Variants in TMEM245 observed in about 807,000 individuals in gnomAD.
The protein encoded by TMEM245 is transmembrane protein 245.
TMEM245 carries 69 observed loss-of-function variants against 101.2 expected under a neutral mutation model. The ratio of observed to expected loss-of-function variants is 0.68; its 90% CI spans 0.56 to 0.83. The LOEUF (loss-of-function observed/expected upper bound fraction) is 0.83. TMEM245 is among the 40% of genes least tolerant of loss of function. TMEM245 has a pLI of 0.00. For synonymous variants in TMEM245, 537 were observed against 449.8 expected, an observed-to-expected ratio of 1.19 and a Z score of -2.45; for missense variants, 1,075 against 1,092.8, an observed-to-expected ratio of 0.98 and a Z score of 0.23.
chr9:109,093,609 A>G lies in TMEM245; in HGVS notation c.800-18T>C. The G allele has an allele frequency of 6.2e-7, 1 of 1,601,338 alleles. No homozygotes were observed. Among genetic ancestry groups the G allele is most frequent in the Non-Finnish European group, 8.6e-7 (1 of 1,169,000 alleles). ...CTCTGCCCCTGTAAAAGAAGCATCC[A>G]TTTTCAAAACTCTTTAAAGTAGGAA... On this transcript the variant is annotated intron_variant, in intron 3 of 17. Transcript: ENST00000374586.
chr9:109,057,190 C>G lies in TMEM245; in HGVS notation c.1854+1G>C. On this transcript the variant is annotated splice_donor_variant, in intron 12 of 17. Transcript: ENST00000374586. LOFTEE classifies it high-confidence loss of function. ...GCTTAACTATAAATGCTATTTCTTA[C>G]CGAAAGAAATGTCTCAATGTTCTCG... The G allele has an allele frequency of 6.2e-7, 1 of 1,611,406 alleles. No individual in the cohort carries two copies. Among genetic ancestry groups the G allele is most frequent in the South Asian group, 1.1e-5 (1 of 90,396 alleles).
intron 17 of TMEM245, among the ~76,000 whole-genome samples, chr9:109,032,198 C>T (rs1000237557): frequency 2.0e-5 from 3 of 151,864 alleles, no homozygotes; most frequent in Non-Finnish European, 2.9e-5. Context: ...CATTGGTTAT[C>T]GAAGTATCAT....
At chr9:109,089,054 T>C (rs897357000) in intron 5 of TMEM245, among the ~76,000 whole-genome samples, 29 of 151,524 alleles carry the variant, frequency 1.9e-4, no homozygotes, top group Admixed American at 1.4e-3. Flanking sequence ...GGTGTGAGGT[T>C]TGCTTGAGTC....
At position 109,094,036 on chromosome 9, in the gene TMEM245, T is replaced by A. The variant is rs569286149; in HGVS notation, c.800-445A>T. ...GTCATAACAACATTCCACAAATGAGTATGCGAATATATGGCTATTATGCAA... is the reference window on the plus strand; with the variant it reads ...GTCATAACAACATTCCACAAATGAGAATGCGAATATATGGCTATTATGCAA... On this transcript the variant is annotated intron_variant, in intron 3 of 17. Transcript: ENST00000374586. Among the ~76,000 whole-genome samples, 4 of 152,268 alleles carry A rather than the reference T, an allele frequency of 2.6e-5. No homozygotes were observed. The South Asian group carries it at 8.3e-4, about 32-fold the overall frequency.
intron 8 of TMEM245, among the ~76,000 whole-genome samples, chr9:109,077,292 A>C (rs1829539817): frequency 6.6e-6 from 1 of 152,052 alleles, no homozygotes; most frequent in Admixed American, 6.6e-5. Context: ...CTGGGACTAC[A>C]GGCTTAAGTC....
intron 4 of TMEM245, among the ~76,000 whole-genome samples, chr9:109,093,252 C>A (rs974956532): frequency 2.0e-5 from 3 of 151,442 alleles, no homozygotes; most frequent in African/African-American, 7.3e-5. Context: ...GAACAAAGAA[C>A]CAAGGTAAGA....
intron 4 of TMEM245, among the ~76,000 whole-genome samples, chr9:109,091,828 T>C (rs183240336): frequency 1.1e-4 from 17 of 152,276 alleles, no homozygotes; most frequent in African/African-American, 3.8e-4. Context: ...TAATAAGATA[T>C]ACCATACACA....
rs548233879 is a variant in TMEM245 at position 109,047,719 on chromosome 9, G to C, written c.2123+2564C>G. Among the ~76,000 whole-genome samples, 5 of 152,338 alleles carry C rather than the reference G, an allele frequency of 3.3e-5. No individual in the cohort carries two copies. The South Asian group carries it at 6.2e-4, about 19-fold the overall frequency. The stretch of plus-strand genomic sequence containing the variant: ...TAGAAACATTTTTCTAAGAATAAGA[G>C]TCAGTAACAATGAAGATTACTTGAG... On this transcript the variant is annotated intron_variant, in intron 14 of 17. Transcript: ENST00000374586.
chr9:109,074,391 C>T (rs114910480), intron 8 of TMEM245, among the ~76,000 whole-genome samples: 4 of 152,266 alleles, frequency 2.6e-5, no homozygotes, highest in African/African-American at 9.6e-5. Flanking sequence ...AGAGGCGTAA[C>T]AGCTCACTCC....
At chr9:109,087,053 T>C (rs556727252) in intron 6 of TMEM245, 120 bp downstream of exon 6, 7 of 835,676 alleles carry the variant, frequency 8.4e-6, no homozygotes, top group East Asian at 2.9e-5. Context: ...ACTTTCATCA[T>C]AGAATTAGAT....
intron 1 of TMEM245, among the ~76,000 whole-genome samples, chr9:109,109,682 AAAG>A (rs1162089239): frequency 3.9e-5 from 6 of 152,172 alleles, no homozygotes. Flanking sequence ...TTTTAAATAT[AAAG>A]AAGCTCATCA....
In TMEM245 at chr9:109,020,523, G is replaced by A. The variant is rs562936366; in HGVS notation, c.2595-18C>T. 4.9e-5 allele frequency: 79 copies of A among 1,609,934 alleles called. No individual in the cohort carries two copies. The highest frequency in any genetic ancestry group is 6.0e-5 in the Non-Finnish European group (71 of 1,176,502). On this transcript the variant is annotated intron_variant, in intron 17 of 17. Coordinates refer to ENST00000374586, the MANE Select transcript of TMEM245 (RefSeq NM_032012.4). ...GGAAAGTCCTAAAAGAAAAAAAGAC[G>A]GAATGATTAGTTGATTACCATAAAA... is the stretch of plus-strand genomic sequence containing the variant.
At chr9:109,109,876 G>C (rs1830522862) in intron 1 of TMEM245, among the ~76,000 whole-genome samples, 1 of 152,092 alleles carries the variant, frequency 6.6e-6, no homozygotes, top group African/African-American at 2.4e-5. Context: ...AAAAATACTT[G>C]TGCTGTGATT....
chr9:109,071,636 G>A (rs1357020036), intron 9 of TMEM245, among the ~76,000 whole-genome samples: 1 of 151,468 alleles, frequency 6.6e-6, no homozygotes, highest in African/African-American at 2.4e-5. Context: ...TCTAAATCAA[G>A]TTCAAGTAAT....
chr9:109,093,841 C>A (rs1830070701), intron 3 of TMEM245, among the ~76,000 whole-genome samples: 1 of 152,166 alleles, frequency 6.6e-6, no homozygotes, highest in South Asian at 2.1e-4. Context: ...GCAGACACTA[C>A]ACATGTAAAC....
intron 14 of TMEM245, among the ~76,000 whole-genome samples, chr9:109,049,938 T>G (rs1588034083): frequency 6.6e-6 from 1 of 152,170 alleles, no homozygotes; most frequent in East Asian, 1.9e-4. Flanking sequence ...TACAGGTGCA[T>G]GCCACCAAGC....
chr9:109,058,666 G>A (rs954379079), intron 11 of TMEM245, among the ~76,000 whole-genome samples: 5 of 152,146 alleles, frequency 3.3e-5, no homozygotes, highest in African/African-American at 1.2e-4. Context: ...GCACTGGAGT[G>A]CAATGGTGCA....
At chr9:109,062,762 G>A (rs1373925299) in intron 10 of TMEM245, among the ~76,000 whole-genome samples, 1 of 152,200 alleles carries the variant, frequency 6.6e-6, no homozygotes, top group African/African-American at 2.4e-5. Flanking sequence ...CGTAAGCACA[G>A]GAGTTCGAGA....
chr9:109,118,990 C>T lies in TMEM245; in HGVS notation c.579+345G>A, dbSNP rs186688235. 1.1e-4 allele frequency among the ~76,000 whole-genome samples: 17 copies of T among 152,282 alleles called. No individual in the cohort carries two copies. In the East Asian group the frequency reaches 2.9e-3, roughly 26 times the overall value. On this transcript the variant is annotated intron_variant, in intron 1 of 17. Coordinates refer to ENST00000374586, the MANE Select transcript of TMEM245 (RefSeq NM_032012.4). ...ACTGAGGGTGGCCGAAGCACCCCCG[C>T]CCTCTCCAACCAGAAGTAAAACCAA...
Sources: gnomAD v4.1 joint callset for allele counts (sites outside exome capture counted in the v4.1 genomes callset) on GRCh38, gnomAD v4.1.1 for gene constraint, MANE v1.5 for transcripts, NCBI Gene and HGNC (gene_info 2026-07-23, HGNC 2026-07-21) for gene names.